ADAM32: variants seen among roughly 807,000 people sequenced by gnomAD.
ADAM32 encodes the protein ADAM metallopeptidase domain 32.
A neutral mutation model predicts 114.9 loss-of-function variants in ADAM32; 89 were observed. The ratio of observed to expected loss-of-function variants is 0.77; its 90% confidence interval spans 0.65 to 0.92. ADAM32 has a LOEUF of 0.92. ADAM32 is among the 40% of genes least tolerant of loss of function. The pLI is 0.00. For synonymous variants in ADAM32, 285 were observed against 307.5 expected (o/e 0.93, Z 0.77); for missense variants, 870 against 932.8 (o/e 0.93, Z 0.88).
chr8:39,186,803 T>C, intron 10 of ADAM32, 106 bp from the exon 11 acceptor site: 2 of 995,644 alleles, frequency 2.0e-6, no homozygotes, highest in Non-Finnish European at 2.8e-6. Flanking sequence ...ATCTCCCTAA[T>C]TCTTTAGCAT....
At chr8:39,167,811 G>C (rs1474809086) in intron 9 of ADAM32, 1 of 152,072 alleles carries the variant, frequency 6.6e-6, no homozygotes, top group Non-Finnish European at 1.5e-5. Flanking sequence ...TTGTGAAAGG[G>C]GTTGAGTTCT....
At chr8:39,255,094 C>T (rs1811564014) in intron 18 of ADAM32, among the ~76,000 whole-genome samples, 1 of 151,832 alleles carries the variant, frequency 6.6e-6, no homozygotes, top group African/African-American at 2.4e-5. Context: ...TGTATATATA[C>T]ATCACACTTT....
chr8:39,205,362 A>T (rs1372210797), intron 11 of ADAM32, among the ~76,000 whole-genome samples: 2 of 152,192 alleles, frequency 1.3e-5, no homozygotes, highest in East Asian at 3.9e-4. Context: ...GCCACCTTGC[A>T]GTTCCATCTC....
chr8:39,245,301 G>A (rs917251919), intron 16 of ADAM32, among the ~76,000 whole-genome samples: 1 of 152,100 alleles, frequency 6.6e-6, no homozygotes, highest in African/African-American at 2.4e-5. Flanking sequence ...TGGGGACTTG[G>A]GGGGAAGGGT....
At chr8:39,201,379 CT>C (rs1227008165) in intron 11 of ADAM32, among the ~76,000 whole-genome samples, 2 of 151,916 alleles carry the variant, frequency 1.3e-5, no homozygotes, top group African/African-American at 2.4e-5. Flanking sequence ...ATTTTATTCT[CT>C]TTGAAGCAAT....
intron 17 of ADAM32, among the ~76,000 whole-genome samples, chr8:39,248,998 G>T (rs1481770285): frequency 2.6e-5 from 4 of 151,614 alleles, no homozygotes; most frequent in African/African-American, 9.7e-5. Flanking sequence ...TGCCTCCCAG[G>T]TTCACGCCAT....
chr8:39,270,365 G>C (rs1661410371), intron 19 of ADAM32, among the ~76,000 whole-genome samples: 1 of 151,964 alleles, frequency 6.6e-6, no homozygotes, highest in Non-Finnish European at 1.5e-5. Context: ...AAAGCCACTG[G>C]TCAGAAATTT....
chr8:39,113,358 CT>C (rs879548097), intron 1 of ADAM32, among the ~76,000 whole-genome samples: 2 of 150,470 alleles, frequency 1.3e-5, no homozygotes, highest in Non-Finnish European at 2.9e-5. Flanking sequence ...GCAGTGCCAT[CT>C]ATATCTTGAA....
intron 2 of ADAM32, among the ~76,000 whole-genome samples, chr8:39,135,538 A>ATTAGTATT: frequency 6.6e-6 from 1 of 152,198 alleles, no homozygotes; most frequent in East Asian, 1.9e-4. Context: ...AATACAAGAA[A>ATTAGTATT]TTAGTATTGA....
At chr8:39,273,935 A>G (rs973957062) in intron 20 of ADAM32, among the ~76,000 whole-genome samples, 1 of 152,216 alleles carries the variant, frequency 6.6e-6, no homozygotes, top group Admixed American at 6.5e-5. Context: ...TAAACAATAA[A>G]TAAAAAGCCA....
intron 17 of ADAM32, among the ~76,000 whole-genome samples, chr8:39,247,040 C>A (rs961050460): frequency 6.6e-6 from 1 of 151,872 alleles, no homozygotes; most frequent in Non-Finnish European, 1.5e-5. Context: ...TAGCTTATTT[C>A]TTTTTAGTGC....
At chr8:39,203,210 C>A (rs1241892079) in intron 11 of ADAM32, among the ~76,000 whole-genome samples, 1 of 152,278 alleles carries the variant, frequency 6.6e-6, no homozygotes, top group East Asian at 1.9e-4. Flanking sequence ...TCTCATTGAT[C>A]TGTCTAATGT....
At chr8:39,199,774 C>T (rs1031855814) in intron 11 of ADAM32, among the ~76,000 whole-genome samples, 1 of 150,610 alleles carries the variant, frequency 6.6e-6, no homozygotes, top group African/African-American at 2.5e-5. Flanking sequence ...CCCCCACCAC[C>T]CCCCACCCCA....
At chr8:39,133,845 G>A (rs1564458196) in intron 2 of ADAM32, among the ~76,000 whole-genome samples, 1 of 152,174 alleles carries the variant, frequency 6.6e-6, no homozygotes, top group Non-Finnish European at 1.5e-5. Flanking sequence ...CTCAAGGACT[G>A]CGTTTGGGTG....
At chr8:39,181,393 A>C (rs916091883) in intron 10 of ADAM32, among the ~76,000 whole-genome samples, 2 of 152,136 alleles carry the variant, frequency 1.3e-5, no homozygotes, top group Non-Finnish European at 2.9e-5. Context: ...AACCCACCAG[A>C]AGGAAGAAAC....
chr8:39,255,943 T>C (rs979094595), intron 18 of ADAM32, among the ~76,000 whole-genome samples: 3 of 152,106 alleles, frequency 2.0e-5, no homozygotes, highest in African/African-American at 4.8e-5. Flanking sequence ...CTTCTACATA[T>C]GGCTTGCCAG....
At chr8:39,150,426 G>A (rs1803753530) in intron 5 of ADAM32, among the ~76,000 whole-genome samples, 1 of 152,086 alleles carries the variant, frequency 6.6e-6, no homozygotes, top group Non-Finnish European at 1.5e-5. Flanking sequence ...GAGATATGAA[G>A]ATAAAGAAGA....
chr8:39,213,344 C>T (rs1808352245), intron 12 of ADAM32, among the ~76,000 whole-genome samples: 1 of 151,538 alleles, frequency 6.6e-6, no homozygotes, highest in Admixed American at 6.6e-5. Context: ...TATTATAATT[C>T]TTCCCTTCTA....
chr8:39,151,674 T>TA, intron 6 of ADAM32, 126 bp downstream of exon 6: 9 of 532,246 alleles, frequency 1.7e-5, no homozygotes, highest in Non-Finnish European at 1.9e-5. Flanking sequence ...GAACATCTTA[T>TA]CTTTTTTTTT....
Sources: gnomAD v4.1 joint callset for allele counts (sites outside exome capture counted in the v4.1 genomes callset) on GRCh38, gnomAD v4.1.1 for gene constraint, MANE v1.5 for transcripts, NCBI Gene and HGNC (gene_info 2026-07-23, HGNC 2026-07-21) for gene names.